OPCML: variants seen among roughly 807,000 people sequenced by gnomAD.
OPCML encodes opioid-binding protein/cell adhesion molecule.
OPCML carries 13 observed loss-of-function variants against 37.8 expected under a neutral mutation model. The ratio of observed to expected loss-of-function variants is 0.34; its 90% CI spans 0.22 to 0.55. The LOEUF is 0.55. OPCML is among the 20% of genes least tolerant of loss of function. The pLI, the probability that OPCML is intolerant of heterozygous loss-of-function variation, is 0.91. For missense variants in OPCML, 341 were observed against 435.6 expected, an observed-to-expected ratio of 0.78 and a Z score of 1.93; for synonymous variants, 176 against 168.8, an observed-to-expected ratio of 1.04 and a Z score of -0.33.
intron 2 of OPCML, among the ~76,000 whole-genome samples, chr11:132,808,107 G>T (rs1446581951): frequency 6.6e-6 from 1 of 152,122 alleles, no homozygotes; most frequent in Non-Finnish European, 1.5e-5. Flanking sequence ...TCAAATATCA[G>T]CAATTTCATT....
rs149195802 is a variant in OPCML, at chr11:132,543,500, C to T, written c.380-14314G>A. ...TGTACTCCAGCCTGGAGTACGGTGT[C>T]TCCAAGTGTCTCTAAAAAAGAAAAA... On this transcript the variant is annotated intron_variant, in intron 3 of 7. Transcript: ENST00000524381. 8.9e-3 allele frequency among the ~76,000 whole-genome samples: 1,344 copies of T among 151,222 alleles called. 8 individuals carry two copies. The highest frequency in any genetic ancestry group is 0.014 in the Non-Finnish European group (942 of 67,854).
chr11:133,348,716 A>G (rs1442129584), intron 1 of OPCML, among the ~76,000 whole-genome samples: 1 of 152,204 alleles, frequency 6.6e-6, no homozygotes, highest in African/African-American at 2.4e-5. Flanking sequence ...AAGAAATTAC[A>G]AATTCATTTA....
At chr11:133,147,644 CAG>C (rs377226932) in intron 1 of OPCML, among the ~76,000 whole-genome samples, 15 of 152,250 alleles carry the variant, frequency 9.9e-5, no homozygotes, top group African/African-American at 3.4e-4. Flanking sequence ...TGATACTTCA[CAG>C]GGGCTCAACA....
chr11:132,612,500 T>C (rs577800545), intron 3 of OPCML, among the ~76,000 whole-genome samples: 19 of 152,290 alleles, frequency 1.2e-4, no homozygotes, highest in Non-Finnish European at 2.4e-4. Context: ...AATGTGCTGA[T>C]TCAGTCATAC....
chr11:133,024,918 T>C, intron 1 of OPCML: 1 of 985,412 alleles, frequency 1.0e-6, no homozygotes, highest in Non-Finnish European at 1.2e-6. Context: ...AGCATACAAA[T>C]TTGCATATAT....
intron 1 of OPCML, among the ~76,000 whole-genome samples, chr11:133,114,150 G>A (rs1949296768): frequency 6.6e-6 from 1 of 152,144 alleles, no homozygotes; most frequent in Admixed American, 6.5e-5. Context: ...TTATGCGACA[G>A]TCCTGAACCA....
intron 1 of OPCML, among the ~76,000 whole-genome samples, chr11:132,964,704 G>T (rs1025029451): frequency 1.2e-4 from 18 of 152,224 alleles, no homozygotes; most frequent in Non-Finnish European, 2.6e-4. Context: ...CTTACAGTTG[G>T]CACCAGGGTC....
intron 1 of OPCML, among the ~76,000 whole-genome samples, chr11:133,190,728 A>T (rs898293620): frequency 1.3e-5 from 2 of 152,222 alleles, no homozygotes; most frequent in African/African-American, 4.8e-5. Context: ...AAATAAAATT[A>T]TGCAAGAAAT....
intron 2 of OPCML, among the ~76,000 whole-genome samples, chr11:132,796,299 C>T (rs1354166518): frequency 6.6e-6 from 1 of 152,122 alleles, no homozygotes; most frequent in African/African-American, 2.4e-5. Flanking sequence ...AATTGATGGT[C>T]ATTTAAGTTG....
intron 1 of OPCML, among the ~76,000 whole-genome samples, chr11:133,167,341 G>A (rs952131620): frequency 2.0e-5 from 3 of 152,070 alleles, no homozygotes; most frequent in Non-Finnish European, 4.4e-5. Context: ...TACCATATGT[G>A]AAACTGCAAG....
intron 1 of OPCML, among the ~76,000 whole-genome samples, chr11:133,506,529 T>C (rs1248169890): frequency 6.6e-6 from 1 of 152,196 alleles, no homozygotes; most frequent in Non-Finnish European, 1.5e-5. Flanking sequence ...TGCTCTGGCG[T>C]TGTGATCCCT....
chr11:132,477,774 G>A (rs1264762835), intron 4 of OPCML, among the ~76,000 whole-genome samples: 2 of 152,136 alleles, frequency 1.3e-5, no homozygotes, highest in African/African-American at 2.4e-5. Flanking sequence ...ATAGACTGAT[G>A]TATTAAGGTA....
Position 132,436,785 on chromosome 11 carries a change from G to A in OPCML, c.644-6C>T. ...TTTTGAGATATAGGGAGGATCTGTG[G>A]GAAACACACACACACACATGCACAG... On this transcript the variant is annotated splice_region_variant and splice_polypyrimidine_tract_variant and intron_variant, in intron 5 of 7. Transcript: ENST00000524381. 6.2e-7 allele frequency: 1 copy of A among 1,613,780 alleles called. No homozygotes were observed. Among genetic ancestry groups the A allele is most frequent in the Non-Finnish European group, 8.5e-7 (1 of 1,179,864 alleles).
At chr11:133,416,245 C>T (rs79220602) in intron 1 of OPCML, among the ~76,000 whole-genome samples, 12,215 of 152,126 alleles carry the variant, frequency 0.08, 1,417 homozygotes, top group African/African-American at 0.25. Context: ...ATGGACCATA[C>T]ACAGCAGCTA....
At chr11:132,448,948 C>T (rs1462777016) in intron 4 of OPCML, among the ~76,000 whole-genome samples, 1 of 152,202 alleles carries the variant, frequency 6.6e-6, no homozygotes, top group Non-Finnish European at 1.5e-5. Context: ...CTTTCATCAC[C>T]TAGCAATATG....
chr11:133,404,740 A>G (rs1271702992), intron 1 of OPCML, among the ~76,000 whole-genome samples: 1 of 152,240 alleles, frequency 6.6e-6, no homozygotes, highest in African/African-American at 2.4e-5. Flanking sequence ...ATTTTATTCA[A>G]TTCAAAGGTA....
chr11:133,134,807 A>T (rs952581564), intron 1 of OPCML, among the ~76,000 whole-genome samples: 2 of 152,224 alleles, frequency 1.3e-5, no homozygotes, highest in Admixed American at 6.6e-5. Context: ...GGGCGCAGAG[A>T]GCTCCCTGCA....
At chr11:133,015,337 A>G (rs1412602308) in intron 1 of OPCML, among the ~76,000 whole-genome samples, 1 of 142,180 alleles carries the variant, frequency 7.0e-6, no homozygotes, top group South Asian at 2.6e-4. Flanking sequence ...AAAAAGAAGG[A>G]AGGGAGGGAG....
At chr11:132,725,215 T>A (rs1051361555) in intron 2 of OPCML, among the ~76,000 whole-genome samples, 1 of 152,240 alleles carries the variant, frequency 6.6e-6, no homozygotes, top group Middle Eastern at 3.2e-3. Context: ...GGCGTTTTCA[T>A]ACATCCTCTG....
Sources: allele counts gnomAD v4.1 joint callset (sites outside exome capture counted in the v4.1 genomes callset), GRCh38; gene constraint gnomAD v4.1.1; transcripts MANE v1.5; gene names NCBI Gene and HGNC (gene_info 2026-07-23, HGNC 2026-07-21).